GPC6: variants seen among roughly 807,000 people sequenced by gnomAD.
The protein encoded by GPC6 is glypican-6.
In GPC6, 14 loss-of-function variants were observed where a neutral mutation model predicts 55.2. The observed-to-expected ratio is 0.25, with a 90% CI of 0.17 to 0.40. GPC6 has a LOEUF of 0.40. Among genes scored for constraint, GPC6 ranks in the 10% least tolerant of loss-of-function variants. GPC6 has a pLI of 1.00. For missense variants in GPC6, 641 were observed against 708.5 expected, an observed-to-expected ratio of 0.90 and a Z score of 1.08; for synonymous variants, 278 against 259.6, an observed-to-expected ratio of 1.07 and a Z score of -0.68.
At chr13:93,507,659 A>G (rs1016889533) in intron 1 of GPC6, among the ~76,000 whole-genome samples, 4 of 152,168 alleles carry the variant, frequency 2.6e-5, no homozygotes, top group Admixed American at 6.5e-5. Context: ...TGGTTCGCCA[A>G]TATCGACATG....
chr13:93,820,772 T>C (rs1386948325), intron 2 of GPC6, among the ~76,000 whole-genome samples: 2 of 151,970 alleles, frequency 1.3e-5, no homozygotes, highest in African/African-American at 4.8e-5. Context: ...GACTACAGCC[T>C]TAGAAAAATT....
At chr13:93,673,509 A>G (rs1234030842) in intron 2 of GPC6, among the ~76,000 whole-genome samples, 1 of 152,022 alleles carries the variant, frequency 6.6e-6, no homozygotes, top group African/African-American at 2.4e-5. Flanking sequence ...GTATATATAT[A>G]TGGCTTTAAA....
At chr13:93,393,386 T>G (rs1311179998) in intron 1 of GPC6, among the ~76,000 whole-genome samples, 1 of 151,998 alleles carries the variant, frequency 6.6e-6, no homozygotes, top group Admixed American at 6.6e-5. Context: ...GATCGTGATC[T>G]GCCCACCTCG....
At chr13:94,284,963 T>C (rs1267226561) in intron 4 of GPC6, among the ~76,000 whole-genome samples, 1 of 152,048 alleles carries the variant, frequency 6.6e-6, no homozygotes, top group Non-Finnish European at 1.5e-5. Flanking sequence ...TGAGCCAGTG[T>C]ATACTGGCTT....
chr13:93,249,378 T>C (rs543542240), intron 1 of GPC6, among the ~76,000 whole-genome samples: 2 of 152,368 alleles, frequency 1.3e-5, no homozygotes, highest in Admixed American at 6.5e-5. Flanking sequence ...TTGTATCCTT[T>C]CTGCCTTTGG....
At chr13:93,773,478 C>T (rs1885366688) in intron 2 of GPC6, among the ~76,000 whole-genome samples, 1 of 151,862 alleles carries the variant, frequency 6.6e-6, no homozygotes, top group Non-Finnish European at 1.5e-5. Flanking sequence ...ATGTAGCTTA[C>T]GTACCCCAAA....
At chr13:93,773,028 A>G (rs560928515) in intron 2 of GPC6, among the ~76,000 whole-genome samples, 4 of 152,238 alleles carry the variant, frequency 2.6e-5, no homozygotes, top group South Asian at 2.1e-4. Flanking sequence ...GTTTTTTCCA[A>G]TATATAGTAG....
chr13:93,363,305 C>T (rs1440021687), intron 1 of GPC6, among the ~76,000 whole-genome samples: 1 of 146,584 alleles, frequency 6.8e-6, no homozygotes, highest in Non-Finnish European at 1.5e-5. Flanking sequence ...CCACAACAGT[C>T]CCCAGAGTGT....
chr13:93,503,414 G>C (rs1880593371), intron 1 of GPC6, among the ~76,000 whole-genome samples: 1 of 152,158 alleles, frequency 6.6e-6, no homozygotes, highest in Non-Finnish European at 1.5e-5. Context: ...GCAACATTGA[G>C]CAATAATCTC....
chr13:93,742,129 A>G (rs1884226840), intron 2 of GPC6, among the ~76,000 whole-genome samples: 1 of 152,208 alleles, frequency 6.6e-6, no homozygotes, highest in African/African-American at 2.4e-5. Context: ...TTTGACATAA[A>G]TAAATACTTT....
At chr13:93,844,895 A>G (rs1388965920) in intron 3 of GPC6, among the ~76,000 whole-genome samples, 1 of 151,836 alleles carries the variant, frequency 6.6e-6, no homozygotes, top group Non-Finnish European at 1.5e-5. Flanking sequence ...CATTTATTAA[A>G]TAGGGAATCC....
intron 3 of GPC6, among the ~76,000 whole-genome samples, chr13:93,853,324 C>T (rs1372598848): frequency 2.0e-5 from 3 of 151,572 alleles, no homozygotes; most frequent in African/African-American, 7.3e-5. Flanking sequence ...GCAAAGGAAC[C>T]ATTGGATTTA....
intron 2 of GPC6, among the ~76,000 whole-genome samples, chr13:93,735,309 TG>T (rs1269121215): frequency 6.6e-6 from 1 of 151,904 alleles, no homozygotes; most frequent in East Asian, 1.9e-4. Flanking sequence ...CCGAGGTGGG[TG>T]GATCACGAGG....
chr13:93,276,500 G>GTT (rs1877755905), intron 1 of GPC6, among the ~76,000 whole-genome samples: 1 of 95,402 alleles, frequency 1.0e-5, no homozygotes, highest in Non-Finnish European at 2.1e-5. Context: ...GAGAGAGTGT[G>GTT]TGTGTGTGTG....
intron 2 of GPC6, among the ~76,000 whole-genome samples, chr13:93,647,490 C>T (rs370098697): frequency 2.0e-5 from 3 of 151,922 alleles, no homozygotes; most frequent in Admixed American, 6.6e-5. Flanking sequence ...AAGACTGAAC[C>T]GGGGGAGATT....
intron 3 of GPC6, among the ~76,000 whole-genome samples, chr13:93,944,182 ATT>A (rs1878877516): frequency 3.1e-5 from 1 of 32,078 alleles, no homozygotes; most frequent in East Asian, 1.8e-3. Flanking sequence ...TTATTTATTT[ATT>A]TATTTATTTA....
intron 2 of GPC6, among the ~76,000 whole-genome samples, chr13:93,777,876 C>T (rs1399514799): frequency 6.6e-6 from 1 of 152,018 alleles, no homozygotes; most frequent in Non-Finnish European, 1.5e-5. Flanking sequence ...ATTTCTGTTG[C>T]CATATTAAAA....
At chr13:93,274,943 A>T in intron 1 of GPC6, among the ~76,000 whole-genome samples, 1 of 152,210 alleles carries the variant, frequency 6.6e-6, no homozygotes, top group East Asian at 1.9e-4. Context: ...CTAAGGAAAA[A>T]ATGTTATATA....
intron 4 of GPC6, among the ~76,000 whole-genome samples, chr13:94,205,097 G>A (rs933721011): frequency 5.9e-5 from 9 of 152,118 alleles, no homozygotes; most frequent in South Asian, 2.1e-4. Flanking sequence ...ACATTTTATC[G>A]TGTGCCAAAA....
Sources: gnomAD v4.1 joint callset for allele counts (sites outside exome capture counted in the v4.1 genomes callset) on GRCh38, gnomAD v4.1.1 for gene constraint, MANE v1.5 for transcripts, NCBI Gene and HGNC (gene_info 2026-07-23, HGNC 2026-07-21) for gene names.